The following ALS2CL variants were observed in gnomAD, a reference collection of about 807,000 sequenced individuals.
ALS2CL encodes the protein ALS2 C-terminal like.
A neutral mutation model predicts 127.9 loss-of-function variants in ALS2CL; 112 were observed. The ratio of observed to expected loss-of-function variants is 0.88; its 90% CI spans 0.75 to 1.02. The LOEUF is 1.02. Among genes scored for constraint, ALS2CL ranks in the 50% least tolerant of loss-of-function variants. The pLI is 0.00. For missense variants in ALS2CL, 1,174 were observed against 1,236.7 expected (o/e 0.95, Z 0.76); for synonymous variants, 519 against 527.6 (o/e 0.98, Z 0.22).
At chr3:46,692,360 C>A (rs1184596421) in intron 1 of ALS2CL, among the ~76,000 whole-genome samples, 2 of 150,976 alleles carry the variant, frequency 1.3e-5, no homozygotes, top group East Asian at 2.0e-4. Flanking sequence ...CCCTCCCCAA[C>A]CCCTGTCCCA....
At chr3:46,679,572 A>C in intron 14 of ALS2CL, 4 of 225,552 alleles carry the variant, frequency 1.8e-5, no homozygotes, top group East Asian at 9.6e-5. Context: ...AGCTCAAGAA[A>C]TGTGGGGCTT....
chr3:46,687,752 G>C, intron 3 of ALS2CL, 68 bp from the exon 4 acceptor site: 1 of 1,504,458 alleles, frequency 6.6e-7, no homozygotes, highest in East Asian at 2.3e-5. Flanking sequence ...CCTGGTCCCT[G>C]GGATCCCCAG....
chr3:46,675,653 G>A lies in ALS2CL; in HGVS notation c.2220C>T (p.Gly740=), dbSNP rs1698757873. The A allele has an allele frequency of 6.2e-7, 1 of 1,613,782 alleles. No homozygotes were observed. The highest frequency in any genetic ancestry group is 8.5e-7 in the Non-Finnish European group (1 of 1,180,020). ...GLLRVALERK[G]QALEEDEDTE... ...TGTCTTCATCCTCCTCCAGGGCCTGGCCCTTGCGCTCTAAGGCAACTCGCA... is the reference window on the plus strand; with the variant it reads ...TGTCTTCATCCTCCTCCAGGGCCTGACCCTTGCGCTCTAAGGCAACTCGCA... The change falls in exon 20 of 26, where the codon GGC becomes GGT. Residue 740 remains glycine, a synonymous_variant. Transcript: ENST00000318962.
Position 46,680,443 on chromosome 3 carries a change from G to T in ALS2CL, c.1535C>A (p.Ala512Glu). 1 of 1,613,240 alleles carries T rather than the reference G, an allele frequency of 6.2e-7. No individual in the cohort carries two copies. Among genetic ancestry groups the T allele is most frequent in the Non-Finnish European group, 8.5e-7 (1 of 1,179,960 alleles). ...CACTCCACTCACCACCGTCTTGTCC[G>T]CCTGGAAGGTGCCCTGGTAGCAGAC... ...AGVCYQGTFQ[A>E]DKTVGPGILL... The change falls in exon 14 of 26, where the codon GCG becomes GAG. Residue 512 changes from alanine to glutamate, a missense_variant. Transcript: ENST00000318962.
In ALS2CL at chr3:46,677,033, G is replaced by A; in HGVS notation, c.1758-11C>T. On this transcript the variant is annotated splice_polypyrimidine_tract_variant and intron_variant, in intron 16 of 25. Coordinates refer to ENST00000318962, the MANE Select transcript of ALS2CL (RefSeq NM_147129.5). ...CCCACGCCCAGCTGCCTGCGATGGG[G>A]ATGGAGGGTGGGTGATGGGGCAGAG... 3 of 1,590,826 alleles carry A rather than the reference G, an allele frequency of 1.9e-6. No individual in the cohort carries two copies. Among genetic ancestry groups the A allele is most frequent in the Non-Finnish European group, 2.6e-6 (3 of 1,169,078 alleles).
chr3:46,688,284 G>A lies in ALS2CL; in HGVS notation c.116C>T (p.Ser39Leu), dbSNP rs765382733. 30 of 1,612,472 alleles carry A rather than the reference G, an allele frequency of 1.9e-5. No individual in the cohort carries two copies. Among genetic ancestry groups the A allele is most frequent in the South Asian group, 8.8e-5 (8 of 91,038 alleles). Residue 39 changes from serine (S) to leucine (L), a missense_variant, in exon 3 of 26, where the codon TCG becomes TTG. By Grantham distance (145) the Ser-to-Leu change is moderately radical. Coordinates refer to ENST00000318962, the MANE Select transcript of ALS2CL (RefSeq NM_147129.5). ...QPLLPAAPDP[S>L]DPWGRECLRL... is the part of the protein sequence containing the mutation. The stretch of plus-strand genomic sequence containing the variant: ...CAGGCACTCTCTGCCCCAGGGATCC[G>A]AGGGATCTGGGGCTGGGGAAGGAGT...
At chr3:46,683,739 C>G in intron 9 of ALS2CL, 43 bp downstream of exon 9, 3 of 1,604,966 alleles carry the variant, frequency 1.9e-6, no homozygotes, top group Non-Finnish European at 1.7e-6. Flanking sequence ...CCTACCCTGT[C>G]CTCTGACCCC....
In ALS2CL at chr3:46,687,603, C is replaced by T. The variant is rs928761970; in HGVS notation, c.368+16G>A. The stretch of plus-strand genomic sequence containing the variant: ...TCCCACCCTGTCAGGGGCCAGTGCA[C>T]CAGCCCTGTGCTCACCTTCTCCTCT... On this transcript the variant is annotated intron_variant, in intron 4 of 25. Transcript: ENST00000318962. The T allele has an allele frequency of 5.6e-6, 9 of 1,612,078 alleles. No individual in the cohort carries two copies. The highest frequency in any genetic ancestry group is 7.6e-6 in the Non-Finnish European group (9 of 1,179,256).
chr3:46,673,544 G>A (rs1226555883), intron 21 of ALS2CL, among the ~76,000 whole-genome samples, 163 bp from the exon 22 acceptor site: 1 of 152,214 alleles, frequency 6.6e-6, no homozygotes, highest in Non-Finnish European at 1.5e-5. Flanking sequence ...GATTCCTGGA[G>A]AAGGCAGAGC....
intron 16 of ALS2CL, 86 bp from the exon 17 acceptor site, chr3:46,677,108 G>C (rs1012717134): frequency 2.0e-6 from 3 of 1,506,386 alleles, no homozygotes; most frequent in African/African-American, 1.4e-5. Flanking sequence ...TTGGAGGGGT[G>C]GGGGTATGAG....
intron 16 of ALS2CL, chr3:46,677,230 C>T (rs1172525398): frequency 2.5e-5 from 35 of 1,403,502 alleles, no homozygotes; most frequent in South Asian, 8.2e-5. Flanking sequence ...GAGAATCTAC[C>T]CTGCGACGAG....
At chr3:46,676,799 G>GGCCA in intron 17 of ALS2CL, 50 bp downstream of exon 17, 1 of 1,594,444 alleles carries the variant, frequency 6.3e-7, no homozygotes, top group Non-Finnish European at 8.6e-7. Context: ...CCCCCAGGAA[G>GGCCA]CCCTCCCCAG....
chr3:46,686,161 C>G lies in ALS2CL; in HGVS notation c.666+147G>C. The G allele has an allele frequency of 8.0e-7, 1 of 1,255,320 alleles. No homozygotes were observed. The highest frequency in any genetic ancestry group is 1.1e-6 in the Non-Finnish European group (1 of 927,256). The allele number at this position is 1,255,320 out of a possible 1,614,324, so 77.8% of individuals were successfully genotyped here. A position where few individuals can be genotyped will look rare whatever the true frequency, so the allele number is the denominator to read the frequency against. On this transcript the variant is annotated intron_variant, in intron 6 of 25. Coordinates refer to ENST00000318962, the MANE Select transcript of ALS2CL (RefSeq NM_147129.5). The surrounding 1 kb of genome is among the most constrained non-coding windows in gnomAD (Gnocchi z 4.3). ...GATAAGAATGGCTGGACAGAGGGAC[C>G]TTACAGCCACCTGCTTCAGCCATCA... is the stretch of plus-strand genomic sequence containing the variant.
intron 22 of ALS2CL, 94 bp from the exon 23 acceptor site, chr3:46,672,295 C>G: frequency 6.9e-7 from 1 of 1,449,922 alleles, no homozygotes; most frequent in Non-Finnish European, 9.4e-7. Flanking sequence ...CCCCGCCACC[C>G]TTCCCTTCAC....
chr3:46,677,026 C>T lies in ALS2CL; in HGVS notation c.1758-4G>A, dbSNP rs183508705. On this transcript the variant is annotated splice_polypyrimidine_tract_variant and splice_region_variant and intron_variant, in intron 16 of 25. Transcript: ENST00000318962. The stretch of plus-strand genomic sequence containing the variant: ...GAAGGCACCCACGCCCAGCTGCCTG[C>T]GATGGGGATGGAGGGTGGGTGATGG... 4.9e-3 allele frequency: 7,803 copies of T among 1,596,640 alleles called. 28 individuals carry two copies. The highest frequency in any genetic ancestry group is 0.01 in the Middle Eastern group (62 of 5,968).
chr3:46,684,709 G>A (rs1699634569), intron 7 of ALS2CL, among the ~76,000 whole-genome samples: 1 of 152,228 alleles, frequency 6.6e-6, no homozygotes, highest in East Asian at 1.9e-4. Context: ...ACAACAGCAT[G>A]TGCAAAGGTC....
intron 18 of ALS2CL, 65 bp from the exon 19 acceptor site, chr3:46,676,467 A>G (rs9876451): frequency 0.71 from 1,132,160 of 1,599,822 alleles, 401,484 homozygotes; most frequent in African/African-American, 0.8. Context: ...GCATGCCCAC[A>G]CCAGCCTCCC....
At position 46,681,231 on chromosome 3, in the gene ALS2CL, C is replaced by T. The variant is rs57097145; in HGVS notation, c.1436+15G>A. 0.014 allele frequency: 22,833 copies of T among 1,613,584 alleles called. 951 individuals carry two copies. In the African/African-American group the frequency reaches 0.15, roughly 11 times the overall value. ...CACCCCTCCGTCCTGGGAGTGGTGG[C>T]TGCAGGGCGCTCACCTGTCACCATC... On this transcript the variant is annotated intron_variant, in intron 13 of 25. Coordinates refer to ENST00000318962, the MANE Select transcript of ALS2CL (RefSeq NM_147129.5). This position sits in a 1 kb window ranked among gnomAD's most constrained non-coding sequence, Gnocchi z 4.9.
chr3:46,689,532 G>T, intron 1 of ALS2CL, 67 bp from the exon 2 acceptor site: 1 of 1,119,362 alleles, frequency 8.9e-7, no homozygotes, highest in Non-Finnish European at 1.3e-6. Context: ...ATCCTCTCAG[G>T]CAGGGTGCCC....
Sources: allele counts gnomAD v4.1 joint callset (sites outside exome capture counted in the v4.1 genomes callset), GRCh38; gene constraint gnomAD v4.1.1; non-coding constraint Gnocchi (gnomAD v3.1); transcripts MANE v1.5; gene names NCBI Gene and HGNC (gene_info 2026-07-23, HGNC 2026-07-21).